VAV2: variants seen among roughly 807,000 people sequenced by gnomAD.
VAV2 encodes the protein vav guanine nucleotide exchange factor 2.
Under a neutral mutation model 132.5 loss-of-function variants are expected in VAV2, and 67 were observed. The observed-to-expected ratio is 0.51, with a 90% confidence interval of 0.42 to 0.62. The LOEUF is 0.62. Ranked by LOEUF, VAV2 falls within the 20% of genes least tolerant of loss-of-function variation. The probability of loss-of-function intolerance (pLI) is 0.00; values close to 1 mark genes in which losing one functional copy is unlikely to be tolerated. For missense variants in VAV2, 938 were observed against 1,153.6 expected (o/e 0.81, Z 2.71); for synonymous variants, 492 against 443.5 (o/e 1.11, Z -1.37).
At chr9:133,980,219 G>A (rs1313809769) in intron 1 of VAV2, among the ~76,000 whole-genome samples, 1 of 152,190 alleles carries the variant, frequency 6.6e-6, no homozygotes, top group Non-Finnish European at 1.5e-5. Context: ...GTGGAGGGGG[G>A]AAGTGAATGG....
intron 1 of VAV2, among the ~76,000 whole-genome samples, chr9:133,972,264 C>T (rs903213218): frequency 5.3e-5 from 8 of 152,208 alleles, no homozygotes; most frequent in African/African-American, 1.7e-4. Context: ...CTGTCCTCAG[C>T]GGGCACGCCC....
At chr9:133,956,122 A>G (rs899288960) in intron 1 of VAV2, among the ~76,000 whole-genome samples, 7 of 151,996 alleles carry the variant, frequency 4.6e-5, no homozygotes, top group African/African-American at 1.7e-4. Flanking sequence ...AGTTTCCCCA[A>G]CCCAGTGGCT....
rs568314930 is a variant in VAV2 at position 133,821,336 on chromosome 9, G to A, written c.450-9120C>T. On this transcript the variant is annotated intron_variant, in intron 4 of 29. Transcript: ENST00000371850. ...TCTTGTTGGCAGGAACTTGACTGTC[G>A]CTCCTGAGCCCCTGGAGGGGAGGCA... Among the ~76,000 whole-genome samples, 15 of 152,324 alleles carry A rather than the reference G, an allele frequency of 9.8e-5. No individual in the cohort carries two copies. The South Asian group carries it at 1.9e-3, about 19-fold the overall frequency.
At chr9:133,893,343 G>A (rs1839056634) in intron 2 of VAV2, among the ~76,000 whole-genome samples, 1 of 152,214 alleles carries the variant, frequency 6.6e-6, no homozygotes, top group African/African-American at 2.4e-5. Flanking sequence ...GGAGGCTCGG[G>A]TGGCGAAGGC....
intron 12 of VAV2, among the ~76,000 whole-genome samples, chr9:133,792,428 GTGTC>G (rs1399469531): frequency 6.6e-6 from 1 of 151,474 alleles, no homozygotes; most frequent in African/African-American, 2.4e-5. Flanking sequence ...GAGAACATGT[GTGTC>G]TGAGTGGGCT....
At chr9:133,846,366 C>A (rs562768531) in intron 3 of VAV2, among the ~76,000 whole-genome samples, 1 of 152,234 alleles carries the variant, frequency 6.6e-6, no homozygotes, top group South Asian at 2.1e-4. Flanking sequence ...GCTATCCCGA[C>A]CCACAACCCT....
intron 2 of VAV2, among the ~76,000 whole-genome samples, chr9:133,916,045 T>A (rs1160056295): frequency 2.0e-5 from 3 of 150,178 alleles, no homozygotes; most frequent in Non-Finnish European, 4.4e-5. Context: ...CCATGCACAC[T>A]CACACACAAT....
At chr9:133,922,047 G>A (rs3780760) in intron 2 of VAV2, among the ~76,000 whole-genome samples, 19,292 of 152,258 alleles carry the variant, frequency 0.13, 1,767 homozygotes, top group African/African-American at 0.25. Context: ...ATGCAGGCAC[G>A]GGATGGGCCC....
intron 3 of VAV2, among the ~76,000 whole-genome samples, chr9:133,858,019 T>C (rs1445111322): frequency 6.6e-6 from 1 of 152,208 alleles, no homozygotes; most frequent in Non-Finnish European, 1.5e-5. Flanking sequence ...GCCTATCCTG[T>C]GTGCAGAAAG....
At chr9:133,859,315 C>T (rs892753029) in intron 3 of VAV2, among the ~76,000 whole-genome samples, 4 of 152,300 alleles carry the variant, frequency 2.6e-5, no homozygotes, top group Middle Eastern at 3.4e-3. Flanking sequence ...AGGAGGGCAG[C>T]GGCATCGAGA....
chr9:133,869,297 A>C (rs1342536022), intron 2 of VAV2, among the ~76,000 whole-genome samples: 1 of 152,016 alleles, frequency 6.6e-6, no homozygotes, highest in African/African-American at 2.4e-5. Flanking sequence ...CCCATCTCTT[A>C]AACAACGACA....
In VAV2 at chr9:133,883,595, G is replaced by A. The variant is rs972695612; in HGVS notation, c.322-22163C>T. Among the ~76,000 whole-genome samples the A allele has an allele frequency of 6.6e-5, 10 of 152,232 alleles. No homozygotes were observed. The highest frequency in any genetic ancestry group is 1.2e-4 in the Non-Finnish European group (8 of 68,036). On this transcript the variant is annotated intron_variant, in intron 2 of 29. Transcript: ENST00000371850. This position sits in a 1 kb window ranked among gnomAD's most constrained non-coding sequence, Gnocchi z 4.2. ...TCCCAAGTCATCCCCAGCCACGGCA[G>A]GCAGGCGGCCCAGCAGCAGGCAGGT...
intron 2 of VAV2, among the ~76,000 whole-genome samples, chr9:133,867,709 C>G (rs1206562018): frequency 1.3e-5 from 2 of 152,284 alleles, no homozygotes; most frequent in Non-Finnish European, 2.9e-5. Context: ...CTCTCGCCAC[C>G]TGGAGCTGGA....
At chr9:133,841,601 A>G (rs1426579171) in intron 3 of VAV2, among the ~76,000 whole-genome samples, 1 of 152,090 alleles carries the variant, frequency 6.6e-6, no homozygotes, top group Non-Finnish European at 1.5e-5. Context: ...CTCCGTCCCC[A>G]AACACCCAGA....
chr9:133,834,247 C>G lies in VAV2; in HGVS notation c.449+25G>C, dbSNP rs1055592138. The G allele has an allele frequency of 6.3e-7, 1 of 1,586,578 alleles. No homozygotes were observed. The highest frequency in any genetic ancestry group is 1.7e-5 in the Admixed American group (1 of 58,266). ...CTCCCTGCCCCTCCCTCCTCTCCAT[C>G]CCTCCTCCCATCCCCCCGCCTTACT... On this transcript the variant is annotated intron_variant, in intron 4 of 29. Transcript: ENST00000371850. This position sits in a 1 kb window ranked among gnomAD's most constrained non-coding sequence, Gnocchi z 5.9.
chr9:133,860,268 C>T (rs1284080132), intron 3 of VAV2, among the ~76,000 whole-genome samples: 1 of 151,516 alleles, frequency 6.6e-6, no homozygotes, highest in African/African-American at 2.4e-5. Context: ...CGCCACTGCA[C>T]TCCAGCCTGA....
chr9:133,940,054 A>G lies in VAV2; in HGVS notation c.205-835T>C, dbSNP rs371093625. Among the ~76,000 whole-genome samples the G allele has an allele frequency of 2.5e-4, 38 of 152,358 alleles. No individual in the cohort carries two copies. The East Asian group carries it at 4.4e-3, about 18-fold the overall frequency. On this transcript the variant is annotated intron_variant, in intron 1 of 29. Coordinates refer to ENST00000371850, the MANE Select transcript of VAV2 (RefSeq NM_001134398.2). ...TTGGTAAGGAAACTTATAAGGCAGC[A>G]GGTGAGGTGGCCCGGGGGGCACGCT...
chr9:133,780,062 G>T, intron 20 of VAV2, 123 bp from the exon 21 acceptor site: 2 of 1,352,526 alleles, frequency 1.5e-6, no homozygotes, highest in Non-Finnish European at 2.1e-6. Context: ...CAAGGCAGGA[G>T]CAGGGGAGGA....
Position 133,949,889 on chromosome 9 carries a change from A to G in VAV2, c.205-10670T>C, listed in dbSNP as rs142034991. Reference sequence around the variant, plus strand: ...CCGACCCGGGCGTCTCCTGCTGTTTAGGGGTTTCACGCTCAGCTTTTCTCA... The same window carrying G: ...CCGACCCGGGCGTCTCCTGCTGTTTGGGGGTTTCACGCTCAGCTTTTCTCA... On this transcript the variant is annotated intron_variant, in intron 1 of 29. Transcript: ENST00000371850. 1.2e-4 allele frequency among the ~76,000 whole-genome samples: 18 copies of G among 152,336 alleles called. No individual in the cohort carries two copies. The East Asian group carries it at 2.9e-3, about 25-fold the overall frequency.
Sources: allele counts gnomAD v4.1 joint callset (sites outside exome capture counted in the v4.1 genomes callset), GRCh38; gene constraint gnomAD v4.1.1; non-coding constraint Gnocchi (gnomAD v3.1); transcripts MANE v1.5; gene names NCBI Gene and HGNC (gene_info 2026-07-23, HGNC 2026-07-21).